The following PTPRU variants were observed in gnomAD, a reference collection of about 807,000 sequenced individuals.
PTPRU encodes receptor-type tyrosine-protein phosphatase U.
PTPRU carries 69 observed loss-of-function variants against 166.3 expected under a neutral mutation model. The observed-to-expected ratio is 0.41, with a 90% CI of 0.34 to 0.51. PTPRU has a LOEUF of 0.51. PTPRU is among the 20% of genes least tolerant of loss of function. PTPRU has a pLI of 0.09. For missense variants in PTPRU, 1,657 were observed against 2,013.7 expected, an observed-to-expected ratio of 0.82 and a Z score of 3.39; for synonymous variants, 793 against 814.0, an observed-to-expected ratio of 0.97 and a Z score of 0.44.
At position 29,312,583 on chromosome 1, in the gene PTPRU, A is replaced by G; in HGVS notation, c.3104A>G (p.Gln1035Arg). The change falls in exon 22 of 30, where the codon CAG becomes CGG. Residue 1035 changes from glutamine to arginine, a missense_variant. Around this residue, in one of 3 missense-constraint regions of PTPRU, gnomAD observed 1,190 missense variants for 1,477.4 expected, o/e 0.81. Transcript: ENST00000373779. ...TACTCTGCCCGGCACGAGGTCCGCC[A>G]GTTCCACTTCACAGCGTGGCCAGAG... ...RGYSARHEVR[Q>R]FHFTAWPEHG... 2 of 1,601,212 alleles carry G rather than the reference A, an allele frequency of 1.2e-6. No homozygotes were observed. Among genetic ancestry groups the G allele is most frequent in the Non-Finnish European group, 1.7e-6 (2 of 1,169,710 alleles).
Position 29,317,749 on chromosome 1 carries a change from C to T in PTPRU, c.3515C>T (p.Thr1172Met), listed in dbSNP as rs770700422. 12 of 1,606,626 alleles carry T rather than the reference C, an allele frequency of 7.5e-6. No homozygotes were observed. The highest frequency in any genetic ancestry group is 4.0e-5 in the African/African-American group (3 of 74,904). The change falls in exon 25 of 30, where the codon ACG becomes ATG. Residue 1172 changes from threonine to methionine, a missense_variant and splice_region_variant. Transcript: ENST00000373779. The surrounding 1 kb of genome is among the most constrained non-coding windows in gnomAD (Gnocchi z 5.6). Reference protein sequence around the residue: ...NSSQLREEFQTLNSVTPPLDV... With the variant: ...NSSQLREEFQMLNSVTPPLDV... The stretch of plus-strand genomic sequence containing the variant: ...TGTCCCCACCCCCGCTCCCTGTAGA[C>T]GCTGAACTCGGTCACCCCGCCGCTG...
At position 29,284,876 on chromosome 1, in the gene PTPRU, G is replaced by A. The variant is rs1160307292; in HGVS notation, c.2318+7G>A. 2 of 1,605,804 alleles carry A rather than the reference G, an allele frequency of 1.2e-6. No homozygotes were observed. The highest frequency in any genetic ancestry group is 1.7e-6 in the Non-Finnish European group (2 of 1,175,152). ...TTGTCATCATCCGCAAAGGGTGAGT[G>A]AGGCCGGTGCCCTGTCCCACCAGTG... is the stretch of plus-strand genomic sequence containing the variant. On this transcript the variant is annotated splice_region_variant and intron_variant, in intron 14 of 29. Coordinates refer to ENST00000373779, the MANE Select transcript of PTPRU (RefSeq NM_133178.4).
chr1:29,282,698 G>A lies in PTPRU; in HGVS notation c.1891G>A (p.Glu631Lys). The change falls in exon 12 of 30, where the codon GAG (glutamate) becomes AAG (lysine). Residue 631 changes from glutamate (E) to lysine (K), a missense_variant. Glu to Lys is a moderately conservative substitution (Grantham distance 56). Transcript: ENST00000373779. ...PISVYQVIVE[E>K]ERARRLRREP... ...CAGTGTGTACCAGGTGATTGTGGAG[G>A]AGGAGCGGGCGCGGAGGCTGCGGCG... 6.2e-7 allele frequency: 1 copy of A among 1,612,790 alleles called. No homozygotes were observed. The highest frequency in any genetic ancestry group is 8.5e-7 in the Non-Finnish European group (1 of 1,179,904).
chr1:29,304,239 T>C (rs1444171389), intron 16 of PTPRU, among the ~76,000 whole-genome samples, 194 bp downstream of exon 16: 1 of 152,226 alleles, frequency 6.6e-6, no homozygotes, highest in African/African-American at 2.4e-5. Context: ...TTCACTCTCA[T>C]GCTAACCCTG....
At position 29,325,775 on chromosome 1, in the gene PTPRU, C is replaced by A; in HGVS notation, c.*114C>A. The A allele has an allele frequency of 8.6e-7, 1 of 1,161,370 alleles. No individual in the cohort carries two copies. Among genetic ancestry groups the A allele is most frequent in the Non-Finnish European group, 1.2e-6 (1 of 831,310 alleles). The allele number at this position is 1,161,370 out of a possible 1,614,324, so 71.9% of individuals were successfully genotyped here. On this transcript the variant is annotated 3_prime_UTR_variant, in exon 30 of 30. Transcript: ENST00000373779. ...CCCAAACACACTCCCATGGGGCAAG[C>A]ACTGGAGTGGATGCTGGGCTATCTT... is the stretch of plus-strand genomic sequence containing the variant.
intron 15 of PTPRU, 136 bp from the exon 16 acceptor site, chr1:29,303,719 T>C (rs1687247731): frequency 3.3e-6 from 3 of 905,106 alleles, no homozygotes; most frequent in Middle Eastern, 3.4e-4. Context: ...CTGGCTAGGC[T>C]GCTTGGCTCC....
At chr1:29,305,786 C>T (rs980053352) in intron 18 of PTPRU, among the ~76,000 whole-genome samples, 3 of 152,178 alleles carry the variant, frequency 2.0e-5, no homozygotes, top group Non-Finnish European at 4.4e-5. Context: ...ATTGTGAAGA[C>T]CTCAAATGGC....
At chr1:29,263,378 A>G (rs950162442) in intron 7 of PTPRU, among the ~76,000 whole-genome samples, 4 of 152,214 alleles carry the variant, frequency 2.6e-5, no homozygotes, top group Non-Finnish European at 4.4e-5. Flanking sequence ...ATATTCCATT[A>G]TACAAATATA....
chr1:29,281,166 G>A (rs1285540774), intron 11 of PTPRU, among the ~76,000 whole-genome samples: 1 of 152,092 alleles, frequency 6.6e-6, no homozygotes, highest in African/African-American at 2.4e-5. Context: ...AGAGTGGGCT[G>A]CCTGGGTGAC....
chr1:29,264,708 G>T (rs1685216997), intron 7 of PTPRU, among the ~76,000 whole-genome samples: 1 of 152,134 alleles, frequency 6.6e-6, no homozygotes, highest in Admixed American at 6.5e-5. Context: ...GTTTCACCAT[G>T]TTGGCCGGGC....
chr1:29,245,621 A>G (rs1413129540), intron 1 of PTPRU, among the ~76,000 whole-genome samples: 1 of 152,102 alleles, frequency 6.6e-6, no homozygotes, highest in African/African-American at 2.4e-5. Context: ...GAGTTTCTGC[A>G]TGCTCTGCCT....
chr1:29,259,555 C>T lies in PTPRU; in HGVS notation c.666C>T (p.Phe222=). 6.3e-7 allele frequency: 1 copy of T among 1,596,768 alleles called. No homozygotes were observed. The highest frequency in any genetic ancestry group is 8.5e-7 in the Non-Finnish European group (1 of 1,170,356). Residue 222 remains phenylalanine (F), a synonymous_variant, in exon 5 of 30, where the codon TTC becomes TTT. Coordinates refer to ENST00000373779, the MANE Select transcript of PTPRU (RefSeq NM_133178.4). ...AAGRAAEAER[F]LLQRQSGALV... ...GCAGAGCGGCCGAGGCCGAACGCTT[C>T]CTCTTGCAAGTGAGCGGGAGCGGTG...
intron 15 of PTPRU, among the ~76,000 whole-genome samples, chr1:29,299,956 C>G (rs1388405526): frequency 1.3e-5 from 2 of 152,200 alleles, no homozygotes; most frequent in East Asian, 3.9e-4. Flanking sequence ...CAGCCAGCTG[C>G]CATGGCTTTC....
At position 29,320,951 on chromosome 1, in the gene PTPRU, A is replaced by C; in HGVS notation, c.3828+126A>C. The C allele has an allele frequency of 9.1e-7, 1 of 1,102,044 alleles. No homozygotes were observed. The highest frequency in any genetic ancestry group is 1.2e-6 in the Non-Finnish European group (1 of 818,702). 68.3% of individuals were successfully genotyped at this position (1,102,044 alleles called of 1,614,324 possible). A position where few individuals can be genotyped will look rare whatever the true frequency, so the allele number is the denominator to read the frequency against. On this transcript the variant is annotated intron_variant, in intron 26 of 29. Coordinates refer to ENST00000373779, the MANE Select transcript of PTPRU (RefSeq NM_133178.4). The surrounding 1 kb of genome is among the most constrained non-coding windows in gnomAD (Gnocchi z 5.2). Reference sequence around the variant, plus strand: ...CCATCTATTTATTGTGTGATGAATCATACACCTTCCCAGAGCCTCAGTTTC... The same window carrying C: ...CCATCTATTTATTGTGTGATGAATCCTACACCTTCCCAGAGCCTCAGTTTC...
intron 2 of PTPRU, among the ~76,000 whole-genome samples, chr1:29,256,838 G>A (rs1016901766): frequency 4.6e-5 from 7 of 152,156 alleles, no homozygotes; most frequent in African/African-American, 1.7e-4. Context: ...ACCACCCTGA[G>A]TGCACACTGC....
At chr1:29,272,520 C>T (rs1319048412) in intron 7 of PTPRU, among the ~76,000 whole-genome samples, 1 of 152,224 alleles carries the variant, frequency 6.6e-6, no homozygotes, top group South Asian at 2.1e-4. Context: ...AACTGTGTTA[C>T]TGGTGCACTC....
rs527287691 is a variant in PTPRU at position 29,326,676 on chromosome 1, G to T, written c.*1015G>T. 2 of 152,340 alleles carry T rather than the reference G, an allele frequency of 1.3e-5. No individual in the cohort carries two copies. Among genetic ancestry groups the T allele is most frequent in the South Asian group, 2.1e-4 (1 of 4,824 alleles). The allele number at this position is 152,340 out of a possible 1,614,324, so 9.4% of individuals were successfully genotyped here. On this transcript the variant is annotated 3_prime_UTR_variant, in exon 30 of 30. Transcript: ENST00000373779. ...ATGGGGCAGGCCACACCCCCATTCC[G>T]TGCCTCAATTTCCCCATCTGTAAAC...
rs138417190 is a variant in PTPRU at position 29,278,394 on chromosome 1, C to T, written c.1454-618C>T. 3.3e-5 allele frequency among the ~76,000 whole-genome samples: 5 copies of T among 152,322 alleles called. No individual in the cohort carries two copies. In the East Asian group the frequency reaches 9.6e-4, roughly 29 times the overall value. On this transcript the variant is annotated intron_variant, in intron 8 of 29. Coordinates refer to ENST00000373779, the MANE Select transcript of PTPRU (RefSeq NM_133178.4). ...CAAAGATCATTCTCTTCCTAAATGA[C>T]ACTCCTGTGCCTGCCATTAACAGTA...
rs866675876 is a variant in PTPRU at position 29,305,265 on chromosome 1, T to C, written c.2744-87T>C. 17 of 1,330,784 alleles carry C rather than the reference T, an allele frequency of 1.3e-5. No individual in the cohort carries two copies. The Middle Eastern group carries it at 2.3e-3, about 181-fold the overall frequency. The allele number at this position is 1,330,784 out of a possible 1,614,324, so 82.4% of individuals were successfully genotyped here. A position where few individuals can be genotyped will look rare whatever the true frequency, so the allele number is the denominator to read the frequency against. ...TTCCCTGGCTGCCCTGCCTGTGCCC[T>C]ATCCCCTAGCCTCCAGGAATCCCTC... On this transcript the variant is annotated intron_variant, in intron 17 of 29. Coordinates refer to ENST00000373779, the MANE Select transcript of PTPRU (RefSeq NM_133178.4).
Sources: gnomAD v4.1 joint callset for allele counts (sites outside exome capture counted in the v4.1 genomes callset) on GRCh38, gnomAD v4.1.1 for gene constraint, gnomAD v4.1.1 regional missense constraint, Gnocchi (gnomAD v3.1) non-coding constraint, MANE v1.5 for transcripts, NCBI Gene and HGNC (gene_info 2026-07-23, HGNC 2026-07-21) for gene names.